The following LARGE1 variants were observed in gnomAD, a reference collection of about 807,000 sequenced individuals.
LARGE1 encodes the protein xylosyl- and glucuronyltransferase LARGE1.
Under a neutral mutation model 87.6 loss-of-function variants are expected in LARGE1, and 43 were observed. The ratio of observed to expected loss-of-function variants is 0.49; its 90% CI spans 0.38 to 0.63. The LOEUF (loss-of-function observed/expected upper bound fraction) is 0.63. Ranked by LOEUF, LARGE1 falls within the 30% of genes least tolerant of loss-of-function variation. LARGE1 has a pLI of 0.00. For missense variants in LARGE1, 802 were observed against 1,000.2 expected (o/e 0.80, Z 2.67); for synonymous variants, 434 against 394.6 (o/e 1.10, Z -1.18).
chr22:33,319,295 T>C (rs1936484828), intron 10 of LARGE1, among the ~76,000 whole-genome samples: 1 of 152,212 alleles, frequency 6.6e-6, no homozygotes, highest in African/African-American at 2.4e-5. Flanking sequence ...CATGAGAAGA[T>C]GCCGAGGCTA....
At chr22:33,612,677 GA>G (rs1196622731) in intron 4 of LARGE1, among the ~76,000 whole-genome samples, 1 of 151,970 alleles carries the variant, frequency 6.6e-6, no homozygotes, top group Non-Finnish European at 1.5e-5. Flanking sequence ...AGGATAAAAA[GA>G]AAAAAAGAGA....
chr22:33,588,138 T>C (rs2078731446), intron 5 of LARGE1, among the ~76,000 whole-genome samples: 1 of 152,220 alleles, frequency 6.6e-6, no homozygotes, highest in South Asian at 2.1e-4. Context: ...GAGCCAACTA[T>C]GAGCAAGCAC....
At chr22:33,195,290 T>C (rs137426) in intron 11 of LARGE1, among the ~76,000 whole-genome samples, 50,974 of 151,960 alleles carry the variant, frequency 0.34, 9,006 homozygotes, top group Non-Finnish European at 0.39. Flanking sequence ...ACTGGTAAAA[T>C]GGTAAGCAGA....
intron 1 of LARGE1, among the ~76,000 whole-genome samples, chr22:33,786,243 T>A (rs566741812): frequency 4.6e-5 from 7 of 152,288 alleles, no homozygotes; most frequent in Middle Eastern, 3.4e-3. Flanking sequence ...TACTATACAT[T>A]CATTTTATAC....
intron 4 of LARGE1, among the ~76,000 whole-genome samples, chr22:33,610,530 C>T (rs943771443): frequency 6.6e-6 from 1 of 151,934 alleles, no homozygotes; most frequent in African/African-American, 2.4e-5. Flanking sequence ...GATGGAGGAG[C>T]AAAGCAATGA....
At chr22:33,275,616 A>G (rs1929099809) in intron 14 of LARGE1, among the ~76,000 whole-genome samples, 1 of 152,172 alleles carries the variant, frequency 6.6e-6, no homozygotes, top group Admixed American at 6.5e-5. Context: ...CACTAGCCCC[A>G]TGGGTGTGGG....
chr22:33,790,751 G>A (rs1056254044), intron 1 of LARGE1, among the ~76,000 whole-genome samples: 11 of 152,254 alleles, frequency 7.2e-5, no homozygotes, highest in African/African-American at 1.2e-4. Context: ...GAAAAACTCC[G>A]CATCCAGAGC....
rs964891732 is a variant in LARGE1 at position 33,434,301 on chromosome 22, G to A, written c.788-2036C>T. Among the ~76,000 whole-genome samples the A allele has an allele frequency of 7.2e-5, 11 of 152,168 alleles. No homozygotes were observed. In the East Asian group the frequency reaches 2.1e-3, roughly 29 times the overall value. On this transcript the variant is annotated intron_variant, in intron 6 of 14. Coordinates refer to ENST00000397394, the MANE Select transcript of LARGE1 (RefSeq NM_133642.5). ...TAAGGCCCCAGGTGGGTATCCCAAG[G>A]GTCTTTTGTTTTGTTTTTGAGACGT...
Position 33,535,476 on chromosome 22 carries a change from G to A in LARGE1, c.787+29372C>T, listed in dbSNP as rs902784943. 5.9e-5 allele frequency among the ~76,000 whole-genome samples: 9 copies of A among 152,128 alleles called. No homozygotes were observed. In the East Asian group the frequency reaches 1.2e-3, roughly 20 times the overall value. Reference sequence around the variant, plus strand: ...GAGAATCGCTTGAACCCGGGAGGTGGAGGAAGCAGTGAGCTGAGATCGCAC... The same window carrying A: ...GAGAATCGCTTGAACCCGGGAGGTGAAGGAAGCAGTGAGCTGAGATCGCAC... On this transcript the variant is annotated intron_variant, in intron 6 of 14. Transcript: ENST00000397394.
chr22:33,301,425 A>AT (rs374338916), intron 12 of LARGE1, among the ~76,000 whole-genome samples: 1,801 of 152,186 alleles, frequency 0.012, 34 homozygotes, highest in African/African-American at 0.04. Flanking sequence ...ATTTGAAATG[A>AT]TTTTTTTGCT....
At chr22:33,481,059 C>T (rs186263858) in intron 6 of LARGE1, among the ~76,000 whole-genome samples, 3 of 151,740 alleles carry the variant, frequency 2.0e-5, no homozygotes, top group Admixed American at 1.3e-4. Context: ...TTATAATTTC[C>T]TGGAAATGAA....
At chr22:33,546,616 ACT>A (rs2077367320) in intron 6 of LARGE1, among the ~76,000 whole-genome samples, 1 of 151,982 alleles carries the variant, frequency 6.6e-6, no homozygotes, top group Non-Finnish European at 1.5e-5. Flanking sequence ...ACACAGTCTC[ACT>A]CTGTCACCCA....
chr22:33,305,838 C>CTT lies in LARGE1; in HGVS notation c.1452-1333_1452-1332dup, dbSNP rs200366425. Among the ~76,000 whole-genome samples the CTT allele has an allele frequency of 5.1e-3, 646 of 126,434 alleles. 21 individuals carry two copies. Among genetic ancestry groups the CTT allele is most frequent in the African/African-American group, 0.018 (564 of 30,890 alleles). The allele number at this position is 126,434 out of a possible 152,430, so 82.9% of individuals were successfully genotyped here. ...AAATTGACCAGAAACATTTCTTTTT[C>CTT]TTTTTCTTTTTTTTTTTTTTGAGGC... On this transcript the variant is annotated intron_variant, in intron 11 of 14. Transcript: ENST00000397394.
At chr22:33,556,798 G>A (rs143593182) in intron 6 of LARGE1, among the ~76,000 whole-genome samples, 2,502 of 152,038 alleles carry the variant, frequency 0.016, 32 homozygotes, top group Middle Eastern at 0.024. Flanking sequence ...ATGAGGTCAG[G>A]AGATCAAGAC....
At chr22:33,483,604 A>C (rs1029371205) in intron 6 of LARGE1, among the ~76,000 whole-genome samples, 3 of 151,920 alleles carry the variant, frequency 2.0e-5, no homozygotes, top group Non-Finnish European at 2.9e-5. Context: ...GCAAGGAAGT[A>C]GCCAAGGGGA....
intron 2 of LARGE1, among the ~76,000 whole-genome samples, chr22:33,718,008 C>T (rs1408598919): frequency 6.6e-6 from 1 of 152,204 alleles, no homozygotes; most frequent in Non-Finnish European, 1.5e-5. Flanking sequence ...CAGGTTCCTG[C>T]CATACTTTGT....
At chr22:33,820,497 T>G (rs2086786790) in intron 1 of LARGE1, among the ~76,000 whole-genome samples, 1 of 151,800 alleles carries the variant, frequency 6.6e-6, no homozygotes, top group Middle Eastern at 3.2e-3. Flanking sequence ...AATTTTTTAT[T>G]TTAAGTAGAG....
the LARGE1 span, among the ~76,000 whole-genome samples, chr22:33,155,269 C>A: frequency 0.056 from 8,476 of 152,148 alleles, 252 homozygotes; most frequent in Middle Eastern, 0.13. Context: ...GGTTGGAACA[C>A]TTTGGAGGGC....
chr22:33,410,173 C>T (rs1002276505), intron 7 of LARGE1, among the ~76,000 whole-genome samples: 1 of 152,166 alleles, frequency 6.6e-6, no homozygotes, highest in African/African-American at 2.4e-5. Context: ...TATTTCAAAT[C>T]TCCCAGGTGA....
Sources: gnomAD v4.1 joint callset for allele counts (sites outside exome capture counted in the v4.1 genomes callset) on GRCh38, gnomAD v4.1.1 for gene constraint, MANE v1.5 for transcripts, NCBI Gene and HGNC (gene_info 2026-07-23, HGNC 2026-07-21) for gene names.